TTC23: variants seen among roughly 807,000 people sequenced by gnomAD.
The protein encoded by TTC23 is tetratricopeptide repeat domain 23.
In TTC23, 58 loss-of-function variants were observed where a neutral mutation model predicts 55.1. The ratio of observed to expected loss-of-function variants is 1.05; its 90% CI spans 0.85 to 1.31. The LOEUF (loss-of-function observed/expected upper bound fraction) is 1.31, where lower values mean the gene tolerates loss of function less well. Among genes scored for constraint, TTC23 ranks in the 50% most tolerant of loss-of-function variants. The pLI, the probability that TTC23 is intolerant of heterozygous loss-of-function variation, is 0.00. For synonymous variants in TTC23, 203 were observed against 199.9 expected (o/e 1.02, Z -0.13); for missense variants, 516 against 534.4 (o/e 0.97, Z 0.34).
intron 6 of TTC23, among the ~76,000 whole-genome samples, chr15:99,219,729 C>T (rs1237097014): frequency 6.6e-6 from 1 of 152,112 alleles, no homozygotes; most frequent in Non-Finnish European, 1.5e-5. Flanking sequence ...AGATCGCTAG[C>T]ACGGCTTCAG....
At chr15:99,139,030 C>T (rs1248030271) in intron 13 of TTC23, 18 of 459,702 alleles carry the variant, frequency 3.9e-5, no homozygotes, top group African/African-American at 1.8e-4. Context: ...CAGGGATTCC[C>T]GGGGCCCTCC....
intron 9 of TTC23, among the ~76,000 whole-genome samples, chr15:99,186,728 T>C (rs2074700514): frequency 1.3e-5 from 2 of 152,088 alleles, no homozygotes; most frequent in African/African-American, 4.8e-5. Flanking sequence ...ATAAAATACT[T>C]AGGAATAAAT....
intron 1 of TTC23, chr15:99,248,149 T>G (rs1176603651): frequency 6.6e-6 from 1 of 152,152 alleles, no homozygotes; most frequent in Non-Finnish European, 1.5e-5. Flanking sequence ...TCAACAATGA[T>G]AAGGTAAATG....
intron 10 of TTC23, among the ~76,000 whole-genome samples, chr15:99,171,489 T>C (rs1420183424): frequency 6.7e-6 from 1 of 149,412 alleles, no homozygotes; most frequent in Non-Finnish European, 1.5e-5. Context: ...ATACAAGAGG[T>C]GCCCAAGTGC....
intron 9 of TTC23, among the ~76,000 whole-genome samples, chr15:99,196,901 C>T (rs1488503424): frequency 6.6e-6 from 1 of 152,166 alleles, no homozygotes; most frequent in African/African-American, 2.4e-5. Context: ...CTGCCTTTGC[C>T]ATTCCCACTG....
intron 8 of TTC23, among the ~76,000 whole-genome samples, chr15:99,218,112 T>C (rs2077616808): frequency 6.6e-6 from 1 of 152,258 alleles, no homozygotes; most frequent in South Asian, 2.1e-4. Context: ...TCTTCGTGTC[T>C]CTTCCAGCTG....
At chr15:99,214,111 C>A (rs1439160961) in intron 8 of TTC23, among the ~76,000 whole-genome samples, 2 of 152,042 alleles carry the variant, frequency 1.3e-5, no homozygotes, top group Non-Finnish European at 2.9e-5. Flanking sequence ...GTAAGAGTAT[C>A]TTATTTATTT....
intron 9 of TTC23, among the ~76,000 whole-genome samples, chr15:99,190,779 T>C (rs2075182982): frequency 6.6e-6 from 1 of 152,114 alleles, no homozygotes; most frequent in African/African-American, 2.4e-5. Flanking sequence ...GACATTTATA[T>C]GTCTTTTTAT....
intron 2 of TTC23, among the ~76,000 whole-genome samples, chr15:99,242,274 A>C (rs1372434536): frequency 6.6e-6 from 1 of 152,100 alleles, no homozygotes; most frequent in Admixed American, 6.5e-5. Context: ...AAAAAATACC[A>C]AAAAAATAGT....
At chr15:99,247,245 G>A (rs932251076) in intron 1 of TTC23, among the ~76,000 whole-genome samples, 5 of 152,104 alleles carry the variant, frequency 3.3e-5, no homozygotes, top group Non-Finnish European at 7.4e-5. Context: ...ATTCACCTTG[G>A]AAAGCAGTTG....
intron 2 of TTC23, among the ~76,000 whole-genome samples, chr15:99,241,889 C>T (rs1397664706): frequency 3.9e-5 from 6 of 152,152 alleles, no homozygotes; most frequent in Admixed American, 2.0e-4. Flanking sequence ...AATATCAGCA[C>T]TGTGGGAGGC....
rs757109146 is a variant in TTC23, at chr15:99,200,026, T to C, written c.652A>G (p.Ile218Val). 2 of 1,614,076 alleles carry C rather than the reference T, an allele frequency of 1.2e-6. No individual in the cohort carries two copies. Among genetic ancestry groups the C allele is most frequent in the Non-Finnish European group, 1.7e-6 (2 of 1,179,976 alleles). The change falls in exon 9 of 14, where the codon ATC becomes GTC. Residue 218 changes from isoleucine to valine, a missense_variant. Coordinates refer to ENST00000394132, the MANE Select transcript of TTC23 (RefSeq NM_001288615.3). ...HYQAALEYVEISKGETSRECV... is the reference protein window; with the variant it reads ...HYQAALEYVEVSKGETSRECV... ...TCACGACTTGTTTCACCTTTACTGA[T>C]CTCAACATATTCCAAAGCTGCTTGA...
At chr15:99,166,612 G>A (rs2072133945) in intron 10 of TTC23, among the ~76,000 whole-genome samples, 1 of 152,240 alleles carries the variant, frequency 6.6e-6, no homozygotes, top group South Asian at 2.1e-4. Flanking sequence ...GCCAGGCGTT[G>A]TGGTGGGCAG....
intron 2 of TTC23, among the ~76,000 whole-genome samples, chr15:99,244,935 T>C (rs2152102684): frequency 6.6e-6 from 1 of 152,328 alleles, no homozygotes; most frequent in African/African-American, 2.4e-5. Flanking sequence ...TTTTCAGTTA[T>C]GAGGTAAATA....
chr15:99,148,469 T>C (rs1383199581), intron 12 of TTC23: 1 of 151,588 alleles, frequency 6.6e-6, no homozygotes. Flanking sequence ...AGATTCATTT[T>C]AGTGGGCTTT....
intron 9 of TTC23, among the ~76,000 whole-genome samples, chr15:99,198,105 C>T (rs911531063): frequency 4.6e-5 from 7 of 152,110 alleles, no homozygotes; most frequent in African/African-American, 7.2e-5. Flanking sequence ...TAGGTGATCT[C>T]GTCCTCTCCC....
intron 10 of TTC23, among the ~76,000 whole-genome samples, chr15:99,166,599 A>G (rs953938209): frequency 4.6e-5 from 7 of 152,206 alleles, no homozygotes; most frequent in African/African-American, 1.7e-4. Context: ...AAAGTGACAG[A>G]AGGCCAGGCG....
chr15:99,230,422 G>A lies in TTC23; in HGVS notation c.-20-1690C>T, dbSNP rs141176129. On this transcript the variant is annotated intron_variant, in intron 4 of 13. Coordinates refer to ENST00000394132, the MANE Select transcript of TTC23 (RefSeq NM_001288615.3). ...CTAAAGAAAAGCAGACTAGAGGAGG[G>A]ACAGAAAACATATTTGAAGAAATAA... Among the ~76,000 whole-genome samples the A allele has an allele frequency of 2.6e-3, 398 of 152,120 alleles. 2 individuals carry two copies. The highest frequency in any genetic ancestry group is 8.7e-3 in the African/African-American group (361 of 41,526).
intron 2 of TTC23, among the ~76,000 whole-genome samples, chr15:99,244,496 G>T (rs989618220): frequency 6.6e-6 from 1 of 152,118 alleles, no homozygotes; most frequent in African/African-American, 2.4e-5. Flanking sequence ...ATTTTTATAT[G>T]TCAGCAATAA....
Sources: gnomAD v4.1 joint callset for allele counts (sites outside exome capture counted in the v4.1 genomes callset) on GRCh38, gnomAD v4.1.1 for gene constraint, MANE v1.5 for transcripts, NCBI Gene and HGNC (gene_info 2026-07-23, HGNC 2026-07-21) for gene names.